Variants in CNTNAP2 observed in about 807,000 individuals in gnomAD.
The protein encoded by CNTNAP2 is contactin associated protein 2.
Under a neutral mutation model 155.2 loss-of-function variants are expected in CNTNAP2, and 98 were observed. That is an observed-to-expected ratio of 0.63 (90% CI 0.54 to 0.75). The LOEUF is 0.75. Ranked by LOEUF, CNTNAP2 falls within the 30% of genes least tolerant of loss-of-function variation. The pLI, the probability that CNTNAP2 is intolerant of heterozygous loss-of-function variation, is 0.00. For missense variants in CNTNAP2, 1,727 were observed against 1,688.1 expected (o/e 1.02, Z -0.40); for synonymous variants, 651 against 631.2 (o/e 1.03, Z -0.47).
chr7:146,633,852 A>T (rs907026114), intron 1 of CNTNAP2, among the ~76,000 whole-genome samples: 2 of 148,634 alleles, frequency 1.3e-5, no homozygotes, highest in Admixed American at 1.3e-4. Flanking sequence ...AAAAAAAAAA[A>T]AAAACAGAAA....
At chr7:147,055,310 C>T (rs144520953) in intron 4 of CNTNAP2, among the ~76,000 whole-genome samples, 11 of 152,278 alleles carry the variant, frequency 7.2e-5, no homozygotes, top group African/African-American at 1.7e-4. Context: ...GCTTCATAAC[C>T]GAAATGCTTC....
rs1554425362 is a variant in CNTNAP2 at position 148,366,270 on chromosome 7, A to ATG, written c.3476-17379_3476-17378insTG. On this transcript the variant is annotated intron_variant, in intron 21 of 23. Coordinates refer to ENST00000361727, the MANE Select transcript of CNTNAP2 (RefSeq NM_014141.6). ...CATGTATATATGTGTGTATATGTGT[A>ATG]CATGTATATATGTATGTGTACATGT... Among the ~76,000 whole-genome samples, 858 of 106,986 alleles carry ATG rather than the reference A, an allele frequency of 8.0e-3. 25 individuals carry two copies. Among genetic ancestry groups the ATG allele is most frequent in the Middle Eastern group, 0.033 (5 of 150 alleles). The allele number at this position is 106,986 out of a possible 152,430, so 70.2% of individuals were successfully genotyped here.
chr7:147,397,770 A>AAT (rs1174456109), intron 10 of CNTNAP2, among the ~76,000 whole-genome samples: 6 of 145,972 alleles, frequency 4.1e-5, no homozygotes, highest in Admixed American at 3.4e-4. Flanking sequence ...GATACACAAA[A>AAT]TTTTTTTTTT....
intron 12 of CNTNAP2, among the ~76,000 whole-genome samples, chr7:147,606,859 G>T (rs1311872454): frequency 6.6e-6 from 1 of 152,184 alleles, no homozygotes; most frequent in African/African-American, 2.4e-5. Flanking sequence ...AAGCAGAGTG[G>T]CAGTGTCCTG....
At chr7:146,468,561 G>A (rs1267081057) in intron 1 of CNTNAP2, among the ~76,000 whole-genome samples, 2 of 152,212 alleles carry the variant, frequency 1.3e-5, no homozygotes. Context: ...AACTGACTCT[G>A]ATAATTATCA....
intron 1 of CNTNAP2, among the ~76,000 whole-genome samples, chr7:146,163,638 C>T (rs1351607602): frequency 6.8e-6 from 1 of 147,594 alleles, no homozygotes; most frequent in East Asian, 2.0e-4. Context: ...ATCCTGGCTA[C>T]TCGGGAAGCT....
Position 146,739,050 on chromosome 7 carries a change from T to G in CNTNAP2, c.98-35221T>G, listed in dbSNP as rs572963494. 6.6e-4 allele frequency among the ~76,000 whole-genome samples: 100 copies of G among 152,070 alleles called. 1 individual carries two copies. Among genetic ancestry groups the G allele is most frequent in the African/African-American group, 2.1e-3 (89 of 41,558 alleles). On this transcript the variant is annotated intron_variant, in intron 1 of 23. Coordinates refer to ENST00000361727, the MANE Select transcript of CNTNAP2 (RefSeq NM_014141.6). ...TGCCTTTCTTAGGCTAACTAAAGAT[T>G]TGTTGATTTTGTTTATCTTTCTAAA...
intron 13 of CNTNAP2, among the ~76,000 whole-genome samples, chr7:147,832,847 T>G (rs1361801830): frequency 6.9e-6 from 1 of 144,702 alleles, no homozygotes; most frequent in Non-Finnish European, 1.5e-5. Context: ...ATATAGATCA[T>G]TATATTTATA....
At chr7:148,357,812 T>G (rs1798545509) in intron 21 of CNTNAP2, among the ~76,000 whole-genome samples, 2 of 152,228 alleles carry the variant, frequency 1.3e-5, no homozygotes, top group Non-Finnish European at 2.9e-5. Context: ...TATATGCATA[T>G]GGAATCAAAA....
At chr7:146,495,552 A>AT (rs57676970) in intron 1 of CNTNAP2, among the ~76,000 whole-genome samples, 4,764 of 133,254 alleles carry the variant, frequency 0.036, 138 homozygotes, top group East Asian at 0.11. Context: ...CTAACAGGTC[A>AT]TTTTTTTTTT....
chr7:146,574,594 G>A (rs1563141018), intron 1 of CNTNAP2, among the ~76,000 whole-genome samples: 5 of 152,038 alleles, frequency 3.3e-5, no homozygotes, highest in South Asian at 2.1e-4. Context: ...CTAGCTACTC[G>A]GGAGGCTGAG....
intron 1 of CNTNAP2, among the ~76,000 whole-genome samples, chr7:146,625,136 A>G (rs1213061372): frequency 1.3e-5 from 2 of 152,024 alleles, no homozygotes; most frequent in Non-Finnish European, 2.9e-5. Flanking sequence ...AATATTATAG[A>G]TGGCATAGAA....
intron 23 of CNTNAP2, among the ~76,000 whole-genome samples, chr7:148,413,401 A>AATATATATATAT (rs1226281346): frequency 6.6e-5 from 3 of 45,350 alleles, no homozygotes; most frequent in Non-Finnish European, 1.3e-4. Context: ...TCAAAAAAAA[A>AATATATATATAT]ATATATATAT....
rs77197724 is a variant in CNTNAP2 at position 146,774,081 on chromosome 7, G to T, written c.98-190G>T. On this transcript the variant is annotated intron_variant, in intron 1 of 23. Coordinates refer to ENST00000361727, the MANE Select transcript of CNTNAP2 (RefSeq NM_014141.6). ...CTATGGTTTTCCATTTGAATATCAGGGTTATATAAACAGCTCCTGTGTTAT... is the reference window on the plus strand; with the variant it reads ...CTATGGTTTTCCATTTGAATATCAGTGTTATATAAACAGCTCCTGTGTTAT... 0.016 allele frequency among the ~76,000 whole-genome samples: 2,419 copies of T among 152,110 alleles called. 23 individuals are homozygous for T. Among genetic ancestry groups the T allele is most frequent in the Middle Eastern group, 0.024 (7 of 294 alleles).
At chr7:147,992,602 C>T (rs1383467138) in intron 15 of CNTNAP2, among the ~76,000 whole-genome samples, 1 of 152,132 alleles carries the variant, frequency 6.6e-6, no homozygotes, top group Non-Finnish European at 1.5e-5. Flanking sequence ...AGTCCAAGAG[C>T]CAATTGTGCT....
intron 10 of CNTNAP2, among the ~76,000 whole-genome samples, chr7:147,416,712 G>A (rs1353664722): frequency 6.6e-6 from 1 of 152,204 alleles, no homozygotes; most frequent in Non-Finnish European, 1.5e-5. Flanking sequence ...GGCTGGATGG[G>A]AGGGCTGCTG....
intron 1 of CNTNAP2, among the ~76,000 whole-genome samples, chr7:146,125,390 C>T (rs751561982): frequency 1.1e-4 from 16 of 151,858 alleles, no homozygotes; most frequent in Non-Finnish European, 2.1e-4. Context: ...TCCTGGCTAA[C>T]ACGGTGAAAC....
At position 148,108,046 on chromosome 7, in the gene CNTNAP2, T is replaced by C. The variant is rs143125953; in HGVS notation, c.2384-10072T>C. On this transcript the variant is annotated intron_variant, in intron 15 of 23. Transcript: ENST00000361727. The stretch of plus-strand genomic sequence containing the variant: ...CTCCATGCGAGCCAAACGCAGACTC[T>C]TCTAGCCACCATCTCTTCCCCCTTC... 4.9e-3 allele frequency among the ~76,000 whole-genome samples: 748 copies of C among 152,294 alleles called. 1 individual carries two copies. Among genetic ancestry groups the C allele is most frequent in the Admixed American group, 9.3e-3 (143 of 15,302 alleles).
intron 1 of CNTNAP2, among the ~76,000 whole-genome samples, chr7:146,345,963 T>C (rs1014358979): frequency 2.0e-5 from 3 of 152,122 alleles, no homozygotes; most frequent in African/African-American, 4.8e-5. Context: ...TACATATTTA[T>C]TGAGTGCTTA....
Sources: gnomAD v4.1 joint callset for allele counts (sites outside exome capture counted in the v4.1 genomes callset) on GRCh38, gnomAD v4.1.1 for gene constraint, MANE v1.5 for transcripts, NCBI Gene and HGNC (gene_info 2026-07-23, HGNC 2026-07-21) for gene names.